ONECUT3: variants seen among roughly 807,000 people sequenced by gnomAD.
The protein encoded by ONECUT3 is one cut domain family member 3.
In ONECUT3, 11 loss-of-function variants were observed where a neutral mutation model predicts 16.8. That is an observed-to-expected ratio of 0.66 (90% CI 0.41 to 1.09). The LOEUF (loss-of-function observed/expected upper bound fraction) is 1.09. Ranked by LOEUF, ONECUT3 falls within the 50% of genes least tolerant of loss-of-function variation. The probability of loss-of-function intolerance (pLI) is 0.00; values close to 1 mark genes in which losing one functional copy is unlikely to be tolerated. For synonymous variants in ONECUT3, 344 were observed against 310.7 expected (o/e 1.11, Z -1.13); for missense variants, 637 against 629.9 (o/e 1.01, Z -0.12).
chr19:1,775,126 G>GGGGCCCC, intron 1 of ONECUT3, 27 bp from the exon 2 acceptor site: 3 of 1,143,886 alleles, frequency 2.6e-6, no homozygotes, highest in Non-Finnish European at 2.4e-6. Context: ...TGTCCCGCTC[G>GGGGCCCC]CCCGCCCGCC....
At chr19:1,770,619 T>C (rs958501824) in intron 1 of ONECUT3, among the ~76,000 whole-genome samples, 1 of 152,168 alleles carries the variant, frequency 6.6e-6, no homozygotes, top group Non-Finnish European at 1.5e-5. Context: ...AATTAAACAT[T>C]ACAACAGGTG....
intron 1 of ONECUT3, among the ~76,000 whole-genome samples, chr19:1,768,493 G>A (rs1254993880): frequency 6.6e-6 from 1 of 152,170 alleles, no homozygotes; most frequent in African/African-American, 2.4e-5. Context: ...ACAAAGGAAG[G>A]GACTGAGGCC....
At chr19:1,765,284 G>A (rs1250588488) in intron 1 of ONECUT3, among the ~76,000 whole-genome samples, 6 of 152,018 alleles carry the variant, frequency 3.9e-5, no homozygotes, top group East Asian at 1.9e-4. Flanking sequence ...CTGCCGTGCC[G>A]CCCCCAGCAC....
chr19:1,756,316 A>G (rs2067915936), intron 1 of ONECUT3, among the ~76,000 whole-genome samples: 1 of 152,130 alleles, frequency 6.6e-6, no homozygotes, highest in Non-Finnish European at 1.5e-5. Flanking sequence ...GCTTTGGGGC[A>G]CGGGAAAATA....
At position 1,776,290 on chromosome 19, in the gene ONECUT3, A is replaced by C. The variant is rs1013215941; in HGVS notation, c.*845A>C. Reference sequence around the variant, plus strand: ...TTAGGCACCTTCGTGGAGCGCAAGGAAGGACGCAGCTCCGGACACGGGAGA... The same window carrying C: ...TTAGGCACCTTCGTGGAGCGCAAGGCAGGACGCAGCTCCGGACACGGGAGA... On this transcript the variant is annotated 3_prime_UTR_variant, in exon 2 of 2. Coordinates refer to ENST00000382349, the MANE Select transcript of ONECUT3 (RefSeq NM_001080488.2). The surrounding 1 kb of genome is among the most constrained non-coding windows in gnomAD (Gnocchi z 4.9). 1 of 152,138 alleles carries C rather than the reference A, an allele frequency of 6.6e-6. No homozygotes were observed. The allele number at this position is 152,138 out of a possible 1,614,324, so 9.4% of individuals were successfully genotyped here.
At chr19:1,765,437 C>T (rs550187505) in intron 1 of ONECUT3, among the ~76,000 whole-genome samples, 1 of 152,332 alleles carries the variant, frequency 6.6e-6, no homozygotes, top group Non-Finnish European at 1.5e-5. Flanking sequence ...CGCCTCCCCT[C>T]CAGTACCCAC....
chr19:1,756,002 G>GATCGC (rs1487785197), intron 1 of ONECUT3, among the ~76,000 whole-genome samples: 9 of 152,294 alleles, frequency 5.9e-5, no homozygotes, highest in African/African-American at 2.2e-4. Flanking sequence ...GCGCCTGATC[G>GATCGC]ATCGCTTCTC....
intron 1 of ONECUT3, among the ~76,000 whole-genome samples, chr19:1,763,889 G>A (rs1018467198): frequency 3.9e-5 from 6 of 152,006 alleles, no homozygotes; most frequent in Non-Finnish European, 2.9e-5. Flanking sequence ...CCACTTCCCC[G>A]CCCCGCTGAC....
Position 1,754,144 on chromosome 19 carries a change from C to A in ONECUT3, c.482C>A (p.Ala161Glu), listed in dbSNP as rs1263535175. 3.8e-6 allele frequency: 4 copies of A among 1,045,752 alleles called. No individual in the cohort carries two copies. In the Admixed American group the frequency reaches 1.7e-4, roughly 44 times the overall value. The allele number at this position is 1,045,752 out of a possible 1,614,324, so 64.8% of individuals were successfully genotyped here. The stretch of plus-strand genomic sequence containing the variant: ...CCGCCACCCCCGCCGCAGCGTCTGG[C>A]GGCCAGCGTGAGCGGCAGCTTCACC... ...PPPPPPPQRLAASVSGSFTLM... is the reference protein window; with the variant it reads ...PPPPPPPQRLEASVSGSFTLM... Residue 161 changes from alanine to glutamate, a missense_variant, in exon 1 of 2, where the codon GCG becomes GAG. This residue lies in a region of ONECUT3 where 419 missense variants were observed against 377.9 expected (regional missense o/e 1.11). Transcript: ENST00000382349. This position sits in a 1 kb window ranked among gnomAD's most constrained non-coding sequence, Gnocchi z 7.4.
rs1012525295 is a variant in ONECUT3 at position 1,754,285 on chromosome 19, C to T, written c.623C>T (p.Pro208Leu). 9.5e-7 allele frequency: 1 copy of T among 1,056,056 alleles called. No individual in the cohort carries two copies. Among genetic ancestry groups the T allele is most frequent in the South Asian group, 4.1e-5 (1 of 24,208 alleles). The allele number at this position is 1,056,056 out of a possible 1,614,324, so 65.4% of individuals were successfully genotyped here. Residue 208 changes from proline to leucine, a missense_variant, in exon 1 of 2, where the codon CCC becomes CTC. Pro to Leu is a moderately conservative substitution (Grantham distance 98). Transcript: ENST00000382349. This position sits in a 1 kb window ranked among gnomAD's most constrained non-coding sequence, Gnocchi z 7.4. ...TCGCCGCTGCCCAACGCGCTGCCGC[C>T]CGCGCTGCACGGCGCCCCGCAGCCC... is the stretch of plus-strand genomic sequence containing the variant. ...PLSPLPNALP[P>L]ALHGAPQPPP...
chr19:1,771,330 T>G (rs2068052575), intron 1 of ONECUT3, among the ~76,000 whole-genome samples: 2 of 152,132 alleles, frequency 1.3e-5, no homozygotes, highest in Admixed American at 1.3e-4. Context: ...ATTTACCTCC[T>G]CGTTTGAATG....
At position 1,759,202 on chromosome 19, in the gene ONECUT3, C is replaced by T. The variant is rs992134550; in HGVS notation, c.1192+4348C>T. Among the ~76,000 whole-genome samples, 5 of 152,138 alleles carry T rather than the reference C, an allele frequency of 3.3e-5. No homozygotes were observed. The highest frequency in any genetic ancestry group is 7.4e-5 in the Non-Finnish European group (5 of 68,018). On this transcript the variant is annotated intron_variant, in intron 1 of 1. Transcript: ENST00000382349. This position sits in a 1 kb window ranked among gnomAD's most constrained non-coding sequence, Gnocchi z 4.1. ...GGGCAGCTGGTGCAGGAATTGGGCA[C>T]CTCTGTTTGGTGGTGGGTGAGCAGG...
In ONECUT3 at chr19:1,764,784, G is replaced by C. The variant is rs2067969981; in HGVS notation, c.1192+9930G>C. On this transcript the variant is annotated intron_variant, in intron 1 of 1. Coordinates refer to ENST00000382349, the MANE Select transcript of ONECUT3 (RefSeq NM_001080488.2). The surrounding 1 kb of genome is among the most constrained non-coding windows in gnomAD (Gnocchi z 5.0). ...TTGGGCAAGTCACCCACTGACTCGAGTCTGGAGAGGCCACGGGGGGGGGAT... is the reference window on the plus strand; with the variant it reads ...TTGGGCAAGTCACCCACTGACTCGACTCTGGAGAGGCCACGGGGGGGGGAT... Among the ~76,000 whole-genome samples the C allele has an allele frequency of 7.0e-6, 1 of 142,098 alleles. No individual in the cohort carries two copies. Among genetic ancestry groups the C allele is most frequent in the Non-Finnish European group, 1.5e-5 (1 of 65,834 alleles). 93.2% of individuals were successfully genotyped at this position (142,098 alleles called of 152,430 possible).
At chr19:1,767,116 C>A (rs1477355720) in intron 1 of ONECUT3, among the ~76,000 whole-genome samples, 1 of 152,152 alleles carries the variant, frequency 6.6e-6, no homozygotes, top group Admixed American at 6.5e-5. Flanking sequence ...CTCCATTTCT[C>A]CCCTCTCCAG....
Position 1,754,550 on chromosome 19 carries a change from C to G in ONECUT3, c.888C>G (p.His296Gln). ...GCGGGCTGGCGGCGGCCGGGGCGCA[C>G]GGGCCGCACGGGGGAGGCGGCGGCC... ...PLGGLAAAGA[H>Q]GPHGGGGGPG... is the part of the protein sequence containing the mutation. The change falls in exon 1 of 2, where the codon CAC (histidine) becomes CAG (glutamine). Residue 296 changes from histidine (H) to glutamine (Q), a missense_variant. Around this residue, in one of 3 missense-constraint regions of ONECUT3, gnomAD observed 419 missense variants for 377.9 expected, o/e 1.11. Coordinates refer to ENST00000382349, the MANE Select transcript of ONECUT3 (RefSeq NM_001080488.2). This position sits in a 1 kb window ranked among gnomAD's most constrained non-coding sequence, Gnocchi z 7.4. The G allele has an allele frequency of 1.0e-6, 1 of 989,958 alleles. No homozygotes were observed. The highest frequency in any genetic ancestry group is 1.2e-6 in the Non-Finnish European group (1 of 834,492). 61.3% of individuals were successfully genotyped at this position (989,958 alleles called of 1,614,324 possible). A position where few individuals can be genotyped will look rare whatever the true frequency, so the allele number is the denominator to read the frequency against.
At position 1,766,997 on chromosome 19, in the gene ONECUT3, G is replaced by T. The variant is rs1004426075; in HGVS notation, c.1193-8156G>T. On this transcript the variant is annotated intron_variant, in intron 1 of 1. Transcript: ENST00000382349. The surrounding 1 kb of genome is among the most constrained non-coding windows in gnomAD (Gnocchi z 4.0). ...GAGGAGGGGCCCCGGGCTCCGCTGC[G>T]GGGGGAGGGAGGGACTTCCTGGGGA... is the stretch of plus-strand genomic sequence containing the variant. Among the ~76,000 whole-genome samples, 7 of 151,486 alleles carry T rather than the reference G, an allele frequency of 4.6e-5. No individual in the cohort carries two copies. In the East Asian group the frequency reaches 5.9e-4, roughly 13 times the overall value.
At position 1,780,655 on chromosome 19, in the gene ONECUT3, C is replaced by T. The variant is rs1568607210; in HGVS notation, c.*5210C>T. On this transcript the variant is annotated 3_prime_UTR_variant, in exon 2 of 2. Coordinates refer to ENST00000382349, the MANE Select transcript of ONECUT3 (RefSeq NM_001080488.2). ...CTGAAATGATGCCGGGGCCAGGATG[C>T]TCCTTGCACCAGCAGGAGCTTGGGC... The T allele has an allele frequency of 6.6e-6, 1 of 152,262 alleles. No individual in the cohort carries two copies. The highest frequency in any genetic ancestry group is 2.4e-5 in the African/African-American group (1 of 41,460). The allele number at this position is 152,262 out of a possible 1,614,324, so 9.4% of individuals were successfully genotyped here.
At chr19:1,756,096 G>T (rs988886450) in intron 1 of ONECUT3, among the ~76,000 whole-genome samples, 1 of 152,118 alleles carries the variant, frequency 6.6e-6, no homozygotes, top group African/African-American at 2.4e-5. Context: ...GTGCCCCCAG[G>T]CAGCCCGTCC....
At chr19:1,772,575 G>C (rs751872329) in intron 1 of ONECUT3, among the ~76,000 whole-genome samples, 5 of 151,254 alleles carry the variant, frequency 3.3e-5, no homozygotes, top group Non-Finnish European at 7.4e-5. Context: ...ACTGTCTCTT[G>C]ATCAGGTGAC....
Sources: gnomAD v4.1 joint callset for allele counts (sites outside exome capture counted in the v4.1 genomes callset) on GRCh38, gnomAD v4.1.1 for gene constraint, gnomAD v4.1.1 regional missense constraint, Gnocchi (gnomAD v3.1) non-coding constraint, MANE v1.5 for transcripts, NCBI Gene and HGNC (gene_info 2026-07-23, HGNC 2026-07-21) for gene names.